The following PKP4 variants were observed in gnomAD, a reference collection of about 807,000 sequenced individuals.
PKP4 encodes plakophilin-4.
PKP4 carries 90 observed loss-of-function variants against 145.1 expected under a neutral mutation model. The observed-to-expected ratio is 0.62, with a 90% confidence interval of 0.52 to 0.74. The LOEUF (loss-of-function observed/expected upper bound fraction) is 0.74. Ranked by LOEUF, PKP4 falls within the 30% of genes least tolerant of loss-of-function variation. The pLI is 0.00. For missense variants in PKP4, 1,340 were observed against 1,482.7 expected (o/e 0.90, Z 1.58); for synonymous variants, 563 against 577.2 (o/e 0.98, Z 0.35).
chr2:158,520,381 A>G (rs559421199), intron 1 of PKP4, among the ~76,000 whole-genome samples: 39 of 152,358 alleles, frequency 2.6e-4, no homozygotes, highest in African/African-American at 6.3e-4. Flanking sequence ...GCATTTATAC[A>G]TCGTAAAATT....
chr2:158,669,794 A>G lies in PKP4; in HGVS notation c.2803A>G (p.Met935Val). The G allele has an allele frequency of 2.5e-6, 4 of 1,613,948 alleles. No homozygotes were observed. Among genetic ancestry groups the G allele is most frequent in the South Asian group, 1.1e-5 (1 of 91,042 alleles). Reference sequence around the variant, plus strand: ...CCCCAGTGTCTTGTCTGATGAGACCATGGCAGCCATCTGCTGTGCTCTGCA... The same window carrying G: ...CCCCAGTGTCTTGTCTGATGAGACCGTGGCAGCCATCTGCTGTGCTCTGCA... ...NGPSVLSDET[M>V]AAICCALHEV... Residue 935 changes from methionine (M) to valine (V), a missense_variant, in exon 17 of 22, where the codon ATG becomes GTG. Physicochemically the swap from Met to Val is conservative, Grantham distance 21. Coordinates refer to ENST00000389759, the MANE Select transcript of PKP4 (RefSeq NM_003628.6).
intron 3 of PKP4, among the ~76,000 whole-genome samples, chr2:158,585,817 T>G (rs1574631098): frequency 6.6e-6 from 1 of 151,710 alleles, no homozygotes; most frequent in South Asian, 2.1e-4. Flanking sequence ...AAGTGTACAA[T>G]TCAGTGTTTT....
At chr2:158,617,907 G>A (rs1000425988) in intron 4 of PKP4, among the ~76,000 whole-genome samples, 4 of 152,214 alleles carry the variant, frequency 2.6e-5, no homozygotes, top group Admixed American at 6.5e-5. Flanking sequence ...GAATGGCCGA[G>A]CACAATGGCT....
chr2:158,642,718 C>CTCG lies in PKP4; in HGVS notation c.1909+22_1909+24dup. The CTCG allele has an allele frequency of 6.5e-7, 1 of 1,543,454 alleles. No homozygotes were observed. Among genetic ancestry groups the CTCG allele is most frequent in the Non-Finnish European group, 8.8e-7 (1 of 1,131,168 alleles). On this transcript the variant is annotated intron_variant, in intron 11 of 21. Coordinates refer to ENST00000389759, the MANE Select transcript of PKP4 (RefSeq NM_003628.6). Reference sequence around the variant, plus strand: ...GTTACAGGTAGGTATAGAATGTGATCTCGTCCTAGAGGAAATGTTGAAAAC... The same window carrying CTCG: ...GTTACAGGTAGGTATAGAATGTGATCTCGTCGTCCTAGAGGAAATGTTGAAAAC...
chr2:158,467,426 C>A (rs1308606641), intron 1 of PKP4, among the ~76,000 whole-genome samples: 2 of 151,854 alleles, frequency 1.3e-5, no homozygotes, highest in Non-Finnish European at 2.9e-5. Context: ...GTGGCCTACA[C>A]CTGTAGTTAC....
chr2:158,564,464 GT>G (rs1172242238), intron 2 of PKP4, among the ~76,000 whole-genome samples: 3 of 152,184 alleles, frequency 2.0e-5, no homozygotes, highest in Non-Finnish European at 4.4e-5. Flanking sequence ...TGCAATTACT[GT>G]TTAATATATA....
chr2:158,542,228 T>G (rs2044586179), intron 2 of PKP4, among the ~76,000 whole-genome samples: 1 of 152,136 alleles, frequency 6.6e-6, no homozygotes, highest in Admixed American at 6.6e-5. Context: ...ATTTGTTCCT[T>G]AATAAGATAA....
rs953270149 is a variant in PKP4 at position 158,480,546 on chromosome 2, CTT to C, written c.-6+23339_-6+23340del. Reference sequence around the variant, plus strand: ...GCCACCGCGCCTGGCCTCTGGGATTCTTTTTTTTTTTTCCAGTTGTTTCTACT... The same window carrying C: ...GCCACCGCGCCTGGCCTCTGGGATTCTTTTTTTTTTCCAGTTGTTTCTACT... On this transcript the variant is annotated intron_variant, in intron 1 of 21. Transcript: ENST00000389759. 2.8e-5 allele frequency among the ~76,000 whole-genome samples: 4 copies of C among 143,174 alleles called. No homozygotes were observed. In the South Asian group the frequency reaches 6.7e-4, roughly 24 times the overall value. 93.9% of individuals were successfully genotyped at this position (143,174 alleles called of 152,430 possible). A position where few individuals can be genotyped will look rare whatever the true frequency, so the allele number is the denominator to read the frequency against.
intron 2 of PKP4, among the ~76,000 whole-genome samples, chr2:158,569,599 GTAGAC>G (rs564061737): frequency 8.3e-4 from 127 of 152,274 alleles, no homozygotes; most frequent in African/African-American, 2.8e-3. Flanking sequence ...TATTTTAAAT[GTAGAC>G]TATAGTATAG....
intron 1 of PKP4, among the ~76,000 whole-genome samples, chr2:158,529,288 C>T (rs2043293007): frequency 6.6e-6 from 1 of 152,188 alleles, no homozygotes; most frequent in Non-Finnish European, 1.5e-5. Context: ...GGATTATAGC[C>T]TAAAAAGCCT....
chr2:158,633,561 A>G (rs1408098790), intron 8 of PKP4, among the ~76,000 whole-genome samples: 1 of 152,234 alleles, frequency 6.6e-6, no homozygotes, highest in Non-Finnish European at 1.5e-5. Context: ...GGAATTTTCC[A>G]TTTGATATTT....
chr2:158,519,800 C>T (rs1452265971), intron 1 of PKP4, among the ~76,000 whole-genome samples: 2 of 152,110 alleles, frequency 1.3e-5, no homozygotes, highest in African/African-American at 2.4e-5. Flanking sequence ...AATTTATGCT[C>T]ATCTTGCCTC....
chr2:158,611,262 C>T (rs1358319136), intron 4 of PKP4, among the ~76,000 whole-genome samples: 2 of 152,132 alleles, frequency 1.3e-5, no homozygotes, highest in Non-Finnish European at 2.9e-5. Flanking sequence ...TATTGTATAA[C>T]AGGTATTGAA....
At chr2:158,564,859 A>T (rs1220009195) in intron 2 of PKP4, among the ~76,000 whole-genome samples, 1 of 152,198 alleles carries the variant, frequency 6.6e-6, no homozygotes, top group Non-Finnish European at 1.5e-5. Context: ...TCATTAGTTA[A>T]GTTCCCATGT....
Position 158,631,862 on chromosome 2 carries a change from C to T in PKP4, c.1263C>T (p.Tyr421=). 1.9e-6 allele frequency: 3 copies of T among 1,614,142 alleles called. No individual in the cohort carries two copies. Among genetic ancestry groups the T allele is most frequent in the Non-Finnish European group, 2.5e-6 (3 of 1,179,980 alleles). Reference sequence around the variant, plus strand: ...CTATATATGAGGGGAGGACCTATTACAGCCCAGTGTACCGCAGCCCAAACC... The same window carrying T: ...CTATATATGAGGGGAGGACCTATTATAGCCCAGTGTACCGCAGCCCAAACC... ...ITPIYEGRTY[Y]SPVYRSPNHG... The change falls in exon 8 of 22, where the codon TAC becomes TAT. Residue 421 remains tyrosine (Y), a synonymous_variant. Transcript: ENST00000389759.
intron 1 of PKP4, among the ~76,000 whole-genome samples, chr2:158,526,088 T>A (rs1266602922): frequency 2.0e-5 from 3 of 151,592 alleles, no homozygotes; most frequent in Admixed American, 2.0e-4. Context: ...CTTCTGAAAC[T>A]ATTCCAATGA....
At chr2:158,529,119 A>C (rs1295721193) in intron 1 of PKP4, among the ~76,000 whole-genome samples, 1 of 152,234 alleles carries the variant, frequency 6.6e-6, no homozygotes, top group African/African-American at 2.4e-5. Context: ...CTTCAGAGGC[A>C]ATCAGTTCTG....
intron 4 of PKP4, among the ~76,000 whole-genome samples, chr2:158,616,434 T>C (rs1463200196): frequency 6.6e-6 from 1 of 152,186 alleles, no homozygotes; most frequent in Non-Finnish European, 1.5e-5. Context: ...GAGAGCCCCA[T>C]GACCAGAGAG....
chr2:158,561,004 G>T (rs1329427644), intron 2 of PKP4, among the ~76,000 whole-genome samples: 1 of 152,186 alleles, frequency 6.6e-6, no homozygotes, highest in African/African-American at 2.4e-5. Context: ...GGCTGAATCT[G>T]GCCCTCGCCT....
Sources: gnomAD v4.1 joint callset for allele counts (sites outside exome capture counted in the v4.1 genomes callset) on GRCh38, gnomAD v4.1.1 for gene constraint, MANE v1.5 for transcripts, NCBI Gene and HGNC (gene_info 2026-07-23, HGNC 2026-07-21) for gene names.